The following TET2 variants were observed in gnomAD, a reference collection of about 807,000 sequenced individuals.
TET2 encodes the protein tet methylcytosine dioxygenase 2, also known as methylcytosine dioxygenase TET2.
In TET2, 299 loss-of-function variants were observed where a neutral mutation model predicts 142.9. The observed-to-expected ratio is 2.09, with a 90% CI of 1.90 to 2.30. The LOEUF (loss-of-function observed/expected upper bound fraction) is 2.30. Ranked by LOEUF, TET2 falls within the 30% of genes most tolerant of loss-of-function variation. The pLI, the probability that TET2 is intolerant of heterozygous loss-of-function variation, is 0.00. For synonymous variants in TET2, 819 were observed against 849.0 expected (o/e 0.96, Z 0.61); for missense variants, 2,418 against 2,378.0 (o/e 1.02, Z -0.35).
Position 105,276,538 on chromosome 4 carries a change from G to T in TET2, c.*19G>T. The stretch of plus-strand genomic sequence containing the variant: ...TATATGATATCACCCCCTTTTGTTG[G>T]TTACCTCACTTGAAAAGACCACAAC... On this transcript the variant is annotated 3_prime_UTR_variant, in exon 11 of 11. Transcript: ENST00000380013. The T allele has an allele frequency of 6.5e-7, 1 of 1,539,852 alleles. No homozygotes were observed. The highest frequency in any genetic ancestry group is 8.8e-7 in the Non-Finnish European group (1 of 1,140,076).
chr4:105,179,228 T>G (rs970252566), intron 1 of TET2, among the ~76,000 whole-genome samples: 1 of 152,182 alleles, frequency 6.6e-6, no homozygotes, highest in Non-Finnish European at 1.5e-5. Flanking sequence ...ACTATGTCTT[T>G]TCTTTTATGG....
At chr4:105,221,787 A>C (rs1473253288) in intron 2 of TET2, among the ~76,000 whole-genome samples, 4 of 151,868 alleles carry the variant, frequency 2.6e-5, no homozygotes, top group Admixed American at 2.0e-4. Context: ...ATATGTATAC[A>C]TGTGCCATGC....
rs778915279 is a variant in TET2 at position 105,275,089 on chromosome 4, C to T, written c.4579C>T (p.Gln1527Ter). 1.9e-6 allele frequency: 3 copies of T among 1,548,864 alleles called. No individual in the cohort carries two copies. Among genetic ancestry groups the T allele is most frequent in the South Asian group, 1.2e-5 (1 of 83,492 alleles). Residue 1527 changes from glutamine to a stop codon, truncating the protein, a stop_gained, in exon 11 of 11, where the codon CAG becomes TAG. Coordinates refer to ENST00000380013, the MANE Select transcript of TET2 (RefSeq NM_001127208.3). LOFTEE classifies it low-confidence loss of function (END_TRUNC). Reference protein sequence around the residue: ...LSGPVMQQSQQPQPLQKQPPQ... With the variant: ...LSGPVMQQSQ Reference sequence around the variant, plus strand: ...AGGACCAGTCATGCAGCAGTCCCAGCAGCCCCAGCCTCTACAGAAGCAGCC... The same window carrying T: ...AGGACCAGTCATGCAGCAGTCCCAGTAGCCCCAGCCTCTACAGAAGCAGCC...
In TET2 at chr4:105,275,174, A is replaced by AC; in HGVS notation, c.4664_4665insC (p.Glu1555AspfsTer23). 6.4e-7 allele frequency: 1 copy of AC among 1,552,230 alleles called. No individual in the cohort carries two copies. The highest frequency in any genetic ancestry group is 8.7e-7 in the Non-Finnish European group (1 of 1,147,090). On this transcript the variant is annotated frameshift_variant, in exon 11 of 11. Coordinates refer to ENST00000380013, the MANE Select transcript of TET2 (RefSeq NM_001127208.3). LOFTEE classifies it low-confidence loss of function (END_TRUNC). Reference sequence around the variant, plus strand: ...CAGCAGCCACATCACCCTCAGACAGAGTCTGTCAACTCTTATTCTGCTTCT... The same window carrying AC: ...CAGCAGCCACATCACCCTCAGACAGACGTCTGTCAACTCTTATTCTGCTTCT...
chr4:105,181,675 C>T (rs1378905636), intron 1 of TET2, among the ~76,000 whole-genome samples: 1 of 152,198 alleles, frequency 6.6e-6, no homozygotes, highest in Admixed American at 6.5e-5. Context: ...TTATGATATG[C>T]TTATTCATAG....
intron 2 of TET2, among the ~76,000 whole-genome samples, chr4:105,224,093 A>T (rs572219035): frequency 1.6e-4 from 25 of 152,270 alleles, no homozygotes; most frequent in African/African-American, 5.3e-4. Context: ...CCTTGAAAAA[A>T]AGCTGACATA....
At chr4:105,172,724 TTC>T (rs1245604704) in intron 1 of TET2, 1 of 152,240 alleles carries the variant, frequency 6.6e-6, no homozygotes, top group African/African-American at 2.4e-5. Context: ...AATTCAAGGT[TTC>T]TTGCAGATTG....
At position 105,203,157 on chromosome 4, in the gene TET2, C is replaced by T. The variant is rs182190341; in HGVS notation, c.-47+12652C>T. 2.7e-3 allele frequency among the ~76,000 whole-genome samples: 418 copies of T among 152,284 alleles called. 1 individual carries two copies. Among genetic ancestry groups the T allele is most frequent in the African/African-American group, 9.6e-3 (397 of 41,568 alleles). On this transcript the variant is annotated intron_variant, in intron 2 of 10. Coordinates refer to ENST00000380013, the MANE Select transcript of TET2 (RefSeq NM_001127208.3). ...GACTAAGAGAGTTGGAAAGGGCTATCAATTTCAAATTGGTTCCTTTAAGAC... is the reference window on the plus strand; with the variant it reads ...GACTAAGAGAGTTGGAAAGGGCTATTAATTTCAAATTGGTTCCTTTAAGAC...
At chr4:105,200,106 G>A (rs1475405491) in intron 2 of TET2, among the ~76,000 whole-genome samples, 1 of 152,042 alleles carries the variant, frequency 6.6e-6, no homozygotes, top group Non-Finnish European at 1.5e-5. Context: ...TGAGGTCTTT[G>A]AGGAATCGCT....
chr4:105,163,751 A>G (rs1723973520), intron 1 of TET2, among the ~76,000 whole-genome samples: 1 of 151,132 alleles, frequency 6.6e-6, no homozygotes, highest in Non-Finnish European at 1.5e-5. Context: ...ATGTAAATCA[A>G]CTCTTAAACA....
intron 3 of TET2, 39 bp from the exon 4 acceptor site, chr4:105,241,300 A>C: frequency 6.6e-7 from 1 of 1,518,920 alleles, no homozygotes; most frequent in Non-Finnish European, 8.8e-7. Context: ...ATTTAGTATA[A>C]TTGAGGTCTA....
At chr4:105,273,049 C>A in intron 10 of TET2, 131 bp downstream of exon 10, 1 of 693,900 alleles carries the variant, frequency 1.4e-6, no homozygotes, top group Non-Finnish European at 2.4e-6. Flanking sequence ...GTTTGTTATA[C>A]AGGTAAACAT....
At chr4:105,149,249 A>G (rs1179151666) in intron 1 of TET2, among the ~76,000 whole-genome samples, 2 of 152,168 alleles carry the variant, frequency 1.3e-5, no homozygotes, top group East Asian at 1.9e-4. Context: ...AATAGATACA[A>G]CATTTTCCAC....
At chr4:105,241,754 T>G in intron 4 of TET2, 1 of 1,252,912 alleles carries the variant, frequency 8.0e-7, no homozygotes, top group Non-Finnish European at 1.0e-6. Flanking sequence ...CCACTCTGGC[T>G]TTCCCACCTG....
At chr4:105,262,107 GA>G (rs1364449156) in intron 8 of TET2, among the ~76,000 whole-genome samples, 24 of 151,968 alleles carry the variant, frequency 1.6e-4, no homozygotes, top group Non-Finnish European at 4.4e-5. Flanking sequence ...GTTCTCATAT[GA>G]ATAATTTTGT....
Position 105,236,505 on chromosome 4 carries a change from G to T in TET2, c.2563G>T (p.Ala855Ser). 1 of 1,614,068 alleles carries T rather than the reference G, an allele frequency of 6.2e-7. No individual in the cohort carries two copies. Among genetic ancestry groups the T allele is most frequent in the African/African-American group, 1.3e-5 (1 of 75,018 alleles). The change falls in exon 3 of 11, where the codon GCA becomes TCA. Residue 855 changes from alanine to serine, a missense_variant. By Grantham distance (99) the Ala-to-Ser change is moderately conservative. Transcript: ENST00000380013. ...ACAGACTACACATCCTGAACTTTTT[G>T]CAGGAAACAAGACCCAAAACTTGCA... The part of the protein sequence containing the change: ...KEQTTHPELF[A>S]GNKTQNLHHM...
intron 3 of TET2, chr4:105,237,745 G>A (rs1729044392): frequency 1.7e-6 from 2 of 1,179,268 alleles, no homozygotes; most frequent in South Asian, 2.6e-5. Flanking sequence ...TCTAATGTAC[G>A]AACTTTAAAT....
intron 2 of TET2, among the ~76,000 whole-genome samples, chr4:105,197,275 T>G (rs947174877): frequency 3.3e-5 from 5 of 152,218 alleles, no homozygotes; most frequent in African/African-American, 7.2e-5. Context: ...AAGAGAAGTT[T>G]GAGAGCTGTT....
chr4:105,246,571 A>T (rs1484409520), intron 6 of TET2, among the ~76,000 whole-genome samples: 1 of 152,266 alleles, frequency 6.6e-6, no homozygotes, highest in Non-Finnish European at 1.5e-5. Flanking sequence ...ACTTAAATAC[A>T]TGATTAAAAT....
Sources: gnomAD v4.1 joint callset for allele counts (sites outside exome capture counted in the v4.1 genomes callset) on GRCh38, gnomAD v4.1.1 for gene constraint, MANE v1.5 for transcripts, NCBI Gene and HGNC (gene_info 2026-07-23, HGNC 2026-07-21) for gene names.